The following CEP112 variants were observed in gnomAD, a reference collection of about 807,000 sequenced individuals.
CEP112 encodes centrosomal protein of 112 kDa.
Under a neutral mutation model 153.0 loss-of-function variants are expected in CEP112, and 127 were observed. That is an observed-to-expected ratio of 0.83 (90% CI 0.72 to 0.96). The LOEUF is 0.96. CEP112 is among the 40% of genes least tolerant of loss of function. The pLI, the probability that CEP112 is intolerant of heterozygous loss-of-function variation, is 0.00. For synonymous variants in CEP112, 358 were observed against 374.4 expected, an observed-to-expected ratio of 0.96 and a Z score of 0.51; for missense variants, 1,089 against 1,101.2, an observed-to-expected ratio of 0.99 and a Z score of 0.16.
intron 16 of CEP112, among the ~76,000 whole-genome samples, chr17:66,012,941 T>C (rs1348157488): frequency 6.6e-6 from 1 of 152,206 alleles, no homozygotes; most frequent in African/African-American, 2.4e-5. Flanking sequence ...TTCTTTATTT[T>C]TGTCTGACTG....
At chr17:65,669,763 C>T (rs2046882002) in intron 24 of CEP112, among the ~76,000 whole-genome samples, 1 of 152,084 alleles carries the variant, frequency 6.6e-6, no homozygotes, top group African/African-American at 2.4e-5. Context: ...ATTATCCAGG[C>T]ATGGTGGAGG....
intron 2 of CEP112, among the ~76,000 whole-genome samples, chr17:66,178,386 CT>C (rs1683426519): frequency 6.6e-6 from 1 of 152,124 alleles, no homozygotes; most frequent in African/African-American, 2.4e-5. Flanking sequence ...CTATTTAGAT[CT>C]TTTGCCCATT....
At chr17:65,803,800 TCTTA>T (rs1299060877) in intron 21 of CEP112, among the ~76,000 whole-genome samples, 5 of 152,240 alleles carry the variant, frequency 3.3e-5, no homozygotes, top group African/African-American at 7.2e-5. Flanking sequence ...AAATTAAATG[TCTTA>T]CTGTGTTTTT....
At chr17:65,696,926 G>C (rs1032295508) in intron 23 of CEP112, among the ~76,000 whole-genome samples, 5 of 152,174 alleles carry the variant, frequency 3.3e-5, no homozygotes, top group Admixed American at 3.3e-4. Context: ...TTGCCACTCA[G>C]TGGGGAGGAG....
At chr17:65,744,208 T>G (rs2051301783) in intron 22 of CEP112, among the ~76,000 whole-genome samples, 3 of 152,028 alleles carry the variant, frequency 2.0e-5, no homozygotes, top group African/African-American at 7.3e-5. Context: ...TCCTTTAACC[T>G]GCCGACTTTA....
Position 65,635,795 on chromosome 17 carries a change from CAAAT to C in CEP112, c.*172_*175del, listed in dbSNP as rs1442718154. On this transcript the variant is annotated 3_prime_UTR_variant, in exon 27 of 27. Coordinates refer to ENST00000535342, the MANE Select transcript of CEP112 (RefSeq NM_001199165.4). The stretch of plus-strand genomic sequence containing the variant: ...GTTAAAAAAATAACTTAGGCAGACA[CAAAT>C]AAAACCACCCCACTAGTGTATGAAT... 6 of 618,084 alleles carry C rather than the reference CAAAT, an allele frequency of 9.7e-6. No homozygotes were observed. Among genetic ancestry groups the C allele is most frequent in the South Asian group, 7.5e-5 (3 of 40,192 alleles). 38.3% of individuals were successfully genotyped at this position (618,084 alleles called of 1,614,324 possible). A position where few individuals can be genotyped will look rare whatever the true frequency, so the allele number is the denominator to read the frequency against.
intron 20 of CEP112, among the ~76,000 whole-genome samples, chr17:65,858,386 TATTAG>T (rs1437153085): frequency 1.3e-5 from 2 of 152,204 alleles, no homozygotes; most frequent in Non-Finnish European, 2.9e-5. Context: ...TGCTTAATTA[TATTAG>T]ATTATTTAGT....
intron 4 of CEP112, among the ~76,000 whole-genome samples, chr17:66,171,388 C>A (rs1008671874): frequency 4.6e-5 from 7 of 152,174 alleles, no homozygotes; most frequent in African/African-American, 1.7e-4. Context: ...CAGCATTAAA[C>A]TTCAGTTCTA....
chr17:65,865,963 G>A (rs988737255), intron 20 of CEP112, among the ~76,000 whole-genome samples: 2 of 152,028 alleles, frequency 1.3e-5, no homozygotes, highest in South Asian at 2.1e-4. Flanking sequence ...GAGCAGGCAG[G>A]AGCCTCACCC....
intron 17 of CEP112, among the ~76,000 whole-genome samples, chr17:65,974,957 A>T (rs922750089): frequency 1.2e-4 from 5 of 43,090 alleles, no homozygotes; most frequent in African/African-American, 3.4e-4. Flanking sequence ...ATTTACTAAA[A>T]AAAAAAAAAT....
chr17:65,802,889 A>C (rs1048604054), intron 21 of CEP112, among the ~76,000 whole-genome samples: 2 of 152,208 alleles, frequency 1.3e-5, no homozygotes, highest in African/African-American at 4.8e-5. Flanking sequence ...TGCTCCATCA[A>C]GGGGTGGAGT....
At chr17:66,051,338 A>G (rs2066431691) in intron 12 of CEP112, among the ~76,000 whole-genome samples, 1 of 149,396 alleles carries the variant, frequency 6.7e-6, no homozygotes, top group Admixed American at 6.7e-5. Flanking sequence ...TAATATTAAC[A>G]ATGATCTGAG....
chr17:66,020,864 C>T (rs968664967), intron 16 of CEP112, among the ~76,000 whole-genome samples: 1 of 152,092 alleles, frequency 6.6e-6, no homozygotes, highest in African/African-American at 2.4e-5. Flanking sequence ...TCCAACGTGC[C>T]TCATCTACTT....
chr17:66,147,632 T>C (rs2070979987), intron 4 of CEP112, among the ~76,000 whole-genome samples: 1 of 152,172 alleles, frequency 6.6e-6, no homozygotes, highest in Non-Finnish European at 1.5e-5. Context: ...TCCGTATGTT[T>C]CCCTATTATA....
Position 65,743,131 on chromosome 17 carries a change from A to G in CEP112, c.2544T>C (p.Asp848=), listed in dbSNP as rs2051230081. 5 of 1,612,918 alleles carry G rather than the reference A, an allele frequency of 3.1e-6. No individual in the cohort carries two copies. The highest frequency in any genetic ancestry group is 4.2e-6 in the Non-Finnish European group (5 of 1,179,556). The part of the protein sequence containing the change: ...QQLAAERRLQ[D]VRQKFEDEKK... ...TCTCATCTTCAAACTTTTGTCTAACATCCTGGAGCCGCCTTTCTGCAGCAA... is the reference window on the plus strand; with the variant it reads ...TCTCATCTTCAAACTTTTGTCTAACGTCCTGGAGCCGCCTTTCTGCAGCAA... Residue 848 remains aspartate, a synonymous_variant, in exon 23 of 27, where the codon GAT becomes GAC. Coordinates refer to ENST00000535342, the MANE Select transcript of CEP112 (RefSeq NM_001199165.4).
intron 19 of CEP112, among the ~76,000 whole-genome samples, chr17:65,920,640 C>T (rs1477673384): frequency 6.6e-6 from 1 of 151,546 alleles, no homozygotes; most frequent in Non-Finnish European, 1.5e-5. Context: ...ATATTCCCCT[C>T]TGACATAGTT....
chr17:65,886,209 T>TA (rs913504983), intron 20 of CEP112, among the ~76,000 whole-genome samples: 3 of 152,038 alleles, frequency 2.0e-5, no homozygotes, highest in South Asian at 2.1e-4. Context: ...GGGCTATAAT[T>TA]AAAAAAATGG....
At chr17:66,121,333 T>C (rs2069576708) in intron 6 of CEP112, among the ~76,000 whole-genome samples, 1 of 152,068 alleles carries the variant, frequency 6.6e-6, no homozygotes, top group Admixed American at 6.5e-5. Flanking sequence ...TGTGGCTAAG[T>C]GTGACTCTTT....
In CEP112 at chr17:66,177,103, T is replaced by C; in HGVS notation, c.107-83A>G. On this transcript the variant is annotated intron_variant, in intron 2 of 26. Coordinates refer to ENST00000535342, the MANE Select transcript of CEP112 (RefSeq NM_001199165.4). ...TACAAAGACCTATAATAGCACCTGC[T>C]TTAGTCTAAAAGAAGGACCAACAAA... The C allele has an allele frequency of 3.5e-6, 4 of 1,130,184 alleles. 1 individual carries two copies. In the South Asian group the frequency reaches 6.6e-5, roughly 19 times the overall value. The allele number at this position is 1,130,184 out of a possible 1,614,324, so 70.0% of individuals were successfully genotyped here. A position where few individuals can be genotyped will look rare whatever the true frequency, so the allele number is the denominator to read the frequency against.
Sources: gnomAD v4.1 joint callset for allele counts (sites outside exome capture counted in the v4.1 genomes callset) on GRCh38, gnomAD v4.1.1 for gene constraint, MANE v1.5 for transcripts, NCBI Gene and HGNC (gene_info 2026-07-23, HGNC 2026-07-21) for gene names.